DAB1: variants seen among roughly 807,000 people sequenced by gnomAD.
DAB1 encodes the protein disabled homolog 1.
DAB1 carries 15 observed loss-of-function variants against 64.6 expected under a neutral mutation model. That is an observed-to-expected ratio of 0.23 (90% CI 0.16 to 0.36). The LOEUF is 0.36. Among genes scored for constraint, DAB1 ranks in the 10% least tolerant of loss-of-function variants. DAB1 has a pLI of 1.00. For synonymous variants in DAB1, 235 were observed against 251.9 expected (o/e 0.93, Z 0.64); for missense variants, 596 against 706.7 (o/e 0.84, Z 1.78).
Position 57,738,703 on chromosome 1 carries a change from A to T in DAB1, n.552-89038T>A, listed in dbSNP as rs1339285967. 2.0e-5 allele frequency among the ~76,000 whole-genome samples: 3 copies of T among 152,228 alleles called. No individual in the cohort carries two copies. In the East Asian group the frequency reaches 5.8e-4, roughly 29 times the overall value. On this transcript the variant is annotated intron_variant and non_coding_transcript_variant, in intron 6 of 20. Coordinates refer to the DAB1 transcript ENST00000485760. ...AAACTCCATGTAATTGTTCAAGTTC[A>T]AAATTTGCATACTGCCAGACAGCTC...
chr1:57,962,883 AC>A (rs1290564000), intron 5 of DAB1, among the ~76,000 whole-genome samples: 3 of 151,798 alleles, frequency 2.0e-5, no homozygotes, highest in African/African-American at 4.8e-5. Context: ...CAAAAAAAAA[AC>A]AAAACAAAAA....
At chr1:57,510,338 C>T (rs373961970) in intron 7 of DAB1, among the ~76,000 whole-genome samples, 1 of 152,214 alleles carries the variant, frequency 6.6e-6, no homozygotes, top group East Asian at 1.9e-4. Flanking sequence ...GCGTTTCATT[C>T]CTCCTGGCCT....
intron 7 of DAB1, among the ~76,000 whole-genome samples, chr1:57,502,213 A>G (rs961353437): frequency 2.0e-5 from 3 of 149,746 alleles, no homozygotes; most frequent in Admixed American, 6.8e-5. Flanking sequence ...CCAGCTACTC[A>G]GGAGGCTGAG....
chr1:57,897,709 G>A (rs1269645516), intron 5 of DAB1, among the ~76,000 whole-genome samples: 3 of 152,126 alleles, frequency 2.0e-5, no homozygotes, highest in African/African-American at 7.2e-5. Context: ...TGGAAGAGTA[G>A]GCATTTCTCA....
chr1:57,985,342 T>A (rs1021140556), intron 5 of DAB1, among the ~76,000 whole-genome samples: 1 of 152,150 alleles, frequency 6.6e-6, no homozygotes, highest in African/African-American at 2.4e-5. Flanking sequence ...AGACAGGAAA[T>A]GTGGTATTTA....
chr1:57,710,462 T>A lies in DAB1; in HGVS notation n.552-60797A>T, dbSNP rs182980173. ...TGTTGTCTATACTATAGGTGAATTT[T>A]TCTTAAGACAGTCTTTTATACAGTC... On this transcript the variant is annotated intron_variant and non_coding_transcript_variant, in intron 6 of 20. Transcript: ENST00000485760. Among the ~76,000 whole-genome samples, 41 of 152,326 alleles carry A rather than the reference T, an allele frequency of 2.7e-4. No individual in the cohort carries two copies. In the East Asian group the frequency reaches 7.2e-3, roughly 27 times the overall value.
At position 57,327,044 on chromosome 1, in the gene DAB1, T is replaced by G. The variant is rs567556188; in HGVS notation, c.-136-35878A>C. Among the ~76,000 whole-genome samples, 3 of 152,244 alleles carry G rather than the reference T, an allele frequency of 2.0e-5. No individual in the cohort carries two copies. The South Asian group carries it at 6.2e-4, about 32-fold the overall frequency. Reference sequence around the variant, plus strand: ...GCCTCAACCTCCCAGGCTCAAGTGATTCTCTGGCATCAGCCCCCTGAGTAT... The same window carrying G: ...GCCTCAACCTCCCAGGCTCAAGTGAGTCTCTGGCATCAGCCCCCTGAGTAT... On this transcript the variant is annotated intron_variant, in intron 1 of 14. Transcript: ENST00000371236.
rs565838777 is a variant in DAB1, at chr1:58,369,736, T to C, written n.258-26333A>G. On this transcript the variant is annotated intron_variant and non_coding_transcript_variant, in intron 3 of 20. Coordinates refer to the DAB1 transcript ENST00000485760. ...TTAAGTTATTTACCTAAAGATTTGA[T>C]CTCAAAGTTCTTTCACTGTACTACA... Among the ~76,000 whole-genome samples the C allele has an allele frequency of 2.0e-5, 3 of 152,384 alleles. No homozygotes were observed. The South Asian group carries it at 6.2e-4, about 32-fold the overall frequency.
intron 1 of DAB1, among the ~76,000 whole-genome samples, chr1:57,325,184 C>T (rs1392162454): frequency 6.6e-6 from 1 of 152,228 alleles, no homozygotes; most frequent in Non-Finnish European, 1.5e-5. Context: ...GAGCAGAAGG[C>T]AGACAGACCA....
chr1:57,355,386 T>TTCCTTCCG (rs570429952), intron 1 of DAB1, among the ~76,000 whole-genome samples: 4 of 151,672 alleles, frequency 2.6e-5, no homozygotes, highest in East Asian at 1.9e-4. Context: ...CCTTCCTTCC[T>TTCCTTCCG]TCCTTCCGTC....
intron 1 of DAB1, among the ~76,000 whole-genome samples, chr1:57,832,374 G>A (rs1569806666): frequency 6.6e-6 from 1 of 152,164 alleles, no homozygotes; most frequent in African/African-American, 2.4e-5. Flanking sequence ...CTCTTGTCAC[G>A]AGGACAATTT....
At chr1:57,832,597 C>T (rs1652636987) in intron 1 of DAB1, among the ~76,000 whole-genome samples, 1 of 152,132 alleles carries the variant, frequency 6.6e-6, no homozygotes, top group African/African-American at 2.4e-5. Flanking sequence ...CTCAACCAGC[C>T]CCAGTTTTCC....
intron 7 of DAB1, among the ~76,000 whole-genome samples, chr1:57,617,242 C>A (rs146130805): frequency 6.6e-6 from 1 of 152,220 alleles, no homozygotes; most frequent in Non-Finnish European, 1.5e-5. Context: ...GGGGTATGAA[C>A]CATTCCCATC....
At chr1:58,512,254 G>A (rs182471049) in intron 2 of DAB1, among the ~76,000 whole-genome samples, 29 of 152,254 alleles carry the variant, frequency 1.9e-4, no homozygotes, top group East Asian at 3.9e-4. Context: ...AGACATCTAA[G>A]TGTTGGCAAG....
rs186607410 is a variant in DAB1, at chr1:57,239,426, T to C, written c.67+51538A>G. 1.1e-4 allele frequency among the ~76,000 whole-genome samples: 16 copies of C among 152,354 alleles called. No individual in the cohort carries two copies. In the East Asian group the frequency reaches 2.7e-3, roughly 26 times the overall value. ...CAAAGAAGATGCATCTCTTGTTCACTGCAGTATCTCCTGTGCCTAGAATGG... is the reference window on the plus strand; with the variant it reads ...CAAAGAAGATGCATCTCTTGTTCACCGCAGTATCTCCTGTGCCTAGAATGG... On this transcript the variant is annotated intron_variant, in intron 2 of 14. Coordinates refer to ENST00000371236, the MANE Select transcript of DAB1 (RefSeq NM_001365792.1).
chr1:57,312,854 C>A (rs1363532054), intron 1 of DAB1, among the ~76,000 whole-genome samples: 1 of 152,080 alleles, frequency 6.6e-6, no homozygotes, highest in Non-Finnish European at 1.5e-5. Context: ...TCTCCACTTG[C>A]TCATTATCTC....
At chr1:58,255,814 T>C (rs1344871998) in intron 4 of DAB1, among the ~76,000 whole-genome samples, 3 of 152,196 alleles carry the variant, frequency 2.0e-5, no homozygotes, top group Non-Finnish European at 4.4e-5. Flanking sequence ...AAAACTCAAC[T>C]ACTGCTTGTT....
At chr1:57,504,451 A>G (rs2101326917) in intron 7 of DAB1, among the ~76,000 whole-genome samples, 1 of 152,296 alleles carries the variant, frequency 6.6e-6, no homozygotes, top group African/African-American at 2.4e-5. Context: ...TCCAGTGGTA[A>G]ATATTGCAAC....
chr1:58,050,490 G>A (rs1647570532), intron 5 of DAB1, among the ~76,000 whole-genome samples: 2 of 151,984 alleles, frequency 1.3e-5, no homozygotes, highest in African/African-American at 4.8e-5. Flanking sequence ...GAATATTTAG[G>A]TAGAATAAAA....
Sources: gnomAD v4.1 joint callset for allele counts (sites outside exome capture counted in the v4.1 genomes callset) on GRCh38, gnomAD v4.1.1 for gene constraint, MANE v1.5 for transcripts, NCBI Gene and HGNC (gene_info 2026-07-23, HGNC 2026-07-21) for gene names.